CDH13: variants seen among roughly 807,000 people sequenced by gnomAD.
CDH13 encodes cadherin 13.
A neutral mutation model predicts 63.8 loss-of-function variants in CDH13; 24 were observed. The observed-to-expected ratio is 0.38, with a 90% CI of 0.27 to 0.53. The LOEUF is 0.53. CDH13 is among the 20% of genes least tolerant of loss of function. CDH13 has a pLI of 0.85. For missense variants in CDH13, 1,049 were observed against 903.1 expected, an observed-to-expected ratio of 1.16 and a Z score of -2.07; for synonymous variants, 503 against 355.3, an observed-to-expected ratio of 1.42 and a Z score of -4.67.
At position 83,243,785 on chromosome 16, in the gene CDH13, A is replaced by G. The variant is rs372679818; in HGVS notation, c.636+26288A>G. 3.3e-5 allele frequency among the ~76,000 whole-genome samples: 5 copies of G among 152,320 alleles called. No homozygotes were observed. The East Asian group carries it at 7.7e-4, about 24-fold the overall frequency. On this transcript the variant is annotated intron_variant, in intron 5 of 13. Coordinates refer to ENST00000567109, the MANE Select transcript of CDH13 (RefSeq NM_001257.5). The stretch of plus-strand genomic sequence containing the variant: ...ACTGGAATATGAGGTCATTATACTT[A>G]TGGTCAGTTAGTAAATGAGATCTTA...
At chr16:83,692,471 G>C (rs1290534120) in intron 10 of CDH13, among the ~76,000 whole-genome samples, 1 of 152,162 alleles carries the variant, frequency 6.6e-6, no homozygotes, top group Non-Finnish European at 1.5e-5. Flanking sequence ...ACGGGTTGAT[G>C]ATGCGAAATG....
At chr16:83,125,128 A>G (rs1413117805) in intron 3 of CDH13, among the ~76,000 whole-genome samples, 1 of 152,242 alleles carries the variant, frequency 6.6e-6, no homozygotes, top group Non-Finnish European at 1.5e-5. Context: ...GGATGAGTAA[A>G]TCAAGACTGT....
At chr16:83,300,327 A>G (rs116150022) in intron 5 of CDH13, among the ~76,000 whole-genome samples, 2,658 of 152,360 alleles carry the variant, frequency 0.017, 70 homozygotes, top group African/African-American at 0.057. Context: ...GAGATAGGTC[A>G]AAATATTTAC....
At chr16:83,457,640 G>C (rs746023925) in intron 6 of CDH13, among the ~76,000 whole-genome samples, 1 of 152,112 alleles carries the variant, frequency 6.6e-6, no homozygotes, top group Non-Finnish European at 1.5e-5. Flanking sequence ...GGCAGACTCT[G>C]CTTTAGAGAG....
At chr16:83,543,465 T>C (rs192456328) in intron 7 of CDH13, among the ~76,000 whole-genome samples, 147 of 152,352 alleles carry the variant, frequency 9.6e-4, no homozygotes, top group South Asian at 8.3e-3. Context: ...GATTTGTTGC[T>C]TGCCTTGCCT....
intron 7 of CDH13, among the ~76,000 whole-genome samples, chr16:83,570,140 T>C (rs550189718): frequency 6.6e-6 from 1 of 152,302 alleles, no homozygotes; most frequent in South Asian, 2.1e-4. Context: ...GAAGCTCTAT[T>C]GTTGGCCAGA....
chr16:83,582,590 T>C (rs769665238), intron 7 of CDH13, among the ~76,000 whole-genome samples: 1 of 152,002 alleles, frequency 6.6e-6, no homozygotes, highest in South Asian at 2.1e-4. Flanking sequence ...CCCATAAGGG[T>C]TGTTAGGACA....
chr16:83,186,751 G>T lies in CDH13; in HGVS notation c.484-30594G>T, dbSNP rs532868594. Among the ~76,000 whole-genome samples, 13 of 152,070 alleles carry T rather than the reference G, an allele frequency of 8.5e-5. No homozygotes were observed. The East Asian group carries it at 2.3e-3, about 27-fold the overall frequency. ...TCATTGTAACTTAGGAAAATCAAAA[G>T]CTTGACTTGAAAGAATGAGACAAGT... On this transcript the variant is annotated intron_variant, in intron 4 of 13. Transcript: ENST00000567109.
intron 4 of CDH13, among the ~76,000 whole-genome samples, chr16:83,211,228 C>A (rs752201645): frequency 6.6e-6 from 1 of 151,662 alleles, no homozygotes; most frequent in African/African-American, 2.4e-5. Context: ...AGTCAAGTAT[C>A]AGTGTTAATT....
intron 2 of CDH13, among the ~76,000 whole-genome samples, chr16:82,967,887 AG>A (rs1435857905): frequency 6.6e-6 from 1 of 152,224 alleles, no homozygotes; most frequent in African/African-American, 2.4e-5. Context: ...GGGTCTTGGA[AG>A]GAGATATTTC....
At chr16:82,811,203 T>C (rs2037426567) in intron 1 of CDH13, among the ~76,000 whole-genome samples, 1 of 152,174 alleles carries the variant, frequency 6.6e-6, no homozygotes. Context: ...TCCAAATTCT[T>C]ACTCAGTGAT....
rs184502676 is a variant in CDH13 at position 83,376,725 on chromosome 16, A to C, written c.781+31719A>C. ...AAAGATGGACTTGGGGGTTTCTGAT[A>C]CATTACAAAGGGCCAGAAATCTTTG... On this transcript the variant is annotated intron_variant, in intron 6 of 13. Transcript: ENST00000567109. 1.1e-4 allele frequency among the ~76,000 whole-genome samples: 17 copies of C among 152,282 alleles called. No individual in the cohort carries two copies. The East Asian group carries it at 3.1e-3, about 28-fold the overall frequency.
chr16:83,327,699 T>C (rs577033226), intron 5 of CDH13, among the ~76,000 whole-genome samples: 47 of 152,298 alleles, frequency 3.1e-4, no homozygotes, highest in African/African-American at 1.0e-3. Flanking sequence ...AGTTACTCTT[T>C]TTGATCAAGA....
intron 1 of CDH13, among the ~76,000 whole-genome samples, chr16:82,802,863 C>G (rs574373296): frequency 2.4e-4 from 36 of 152,320 alleles, no homozygotes; most frequent in African/African-American, 7.7e-4. Context: ...ACAAAGGACT[C>G]TCTGCCACCA....
chr16:83,462,724 CCAGCCTGGGTGA>C (rs2073212132), intron 6 of CDH13, among the ~76,000 whole-genome samples: 1 of 152,192 alleles, frequency 6.6e-6, no homozygotes, highest in South Asian at 2.1e-4. Context: ...CCACTGCACT[CCAGCCTGGGTGA>C]CAGAGTGAGA....
At chr16:82,690,348 G>T (rs1915526130) in intron 1 of CDH13, among the ~76,000 whole-genome samples, 1 of 151,964 alleles carries the variant, frequency 6.6e-6, no homozygotes, top group African/African-American at 2.4e-5. Context: ...ATATTTAGTT[G>T]TATTTTAATA....
chr16:83,648,391 G>A (rs765511639), intron 8 of CDH13, among the ~76,000 whole-genome samples: 10 of 152,164 alleles, frequency 6.6e-5, no homozygotes, highest in East Asian at 1.9e-4. Context: ...AGAAACTGTA[G>A]CAAGAAGGTA....
At chr16:83,342,221 A>C (rs1158237708) in intron 5 of CDH13, among the ~76,000 whole-genome samples, 1 of 152,216 alleles carries the variant, frequency 6.6e-6, no homozygotes, top group Admixed American at 6.5e-5. Context: ...AGTATTGGGT[A>C]GTGAAGCTTT....
intron 1 of CDH13, among the ~76,000 whole-genome samples, chr16:82,748,218 A>G (rs2151065444): frequency 6.6e-6 from 1 of 152,324 alleles, no homozygotes; most frequent in South Asian, 2.1e-4. Context: ...ACAACGAAGA[A>G]AAGAGGCTGG....
Sources: allele counts gnomAD v4.1 joint callset (sites outside exome capture counted in the v4.1 genomes callset), GRCh38; gene constraint gnomAD v4.1.1; transcripts MANE v1.5; gene names NCBI Gene and HGNC (gene_info 2026-07-23, HGNC 2026-07-21).